SETD3: variants seen among roughly 807,000 people sequenced by gnomAD.
SETD3 encodes the protein SET domain containing 3, actin N3(tau)-histidine methyltransferase.
In SETD3, 19 loss-of-function variants were observed where a neutral mutation model predicts 63.0. That is an observed-to-expected ratio of 0.30 (90% CI 0.21 to 0.44). SETD3 has a LOEUF of 0.44. Ranked by LOEUF, SETD3 falls within the 20% of genes least tolerant of loss-of-function variation. The probability of loss-of-function intolerance (pLI) is 1.00; values close to 1 mark genes in which losing one functional copy is unlikely to be tolerated. For synonymous variants in SETD3, 286 were observed against 264.1 expected (o/e 1.08, Z -0.80); for missense variants, 587 against 728.5 (o/e 0.81, Z 2.24).
In SETD3 at chr14:99,405,343, T is replaced by G. The variant is rs202158741; in HGVS notation, c.953A>C (p.Asn318Thr). The change falls in exon 10 of 13, where the codon AAC becomes ACC. Residue 318 changes from asparagine to threonine, a missense_variant. Physicochemically the swap from Asn to Thr is moderately conservative, Grantham distance 65. Coordinates refer to ENST00000331768, the MANE Select transcript of SETD3 (RefSeq NM_032233.3). ...ACCACTGTGGATCACAAACTCTGCG[T>G]TGGATCGAGTGCCATAAAAAATGTA... ...QIYIFYGTRSNAEFVIHSGFF... is the reference protein window; with the variant it reads ...QIYIFYGTRSTAEFVIHSGFF... 34 of 1,611,128 alleles carry G rather than the reference T, an allele frequency of 2.1e-5. No individual in the cohort carries two copies. The East Asian group carries it at 7.4e-4, about 35-fold the overall frequency.
intron 11 of SETD3, among the ~76,000 whole-genome samples, chr14:99,403,482 C>CTCTCTCTCTCTT (rs1891510312): frequency 8.3e-6 from 1 of 120,458 alleles, no homozygotes; most frequent in Non-Finnish European, 1.7e-5. Context: ...CTCTCTCTCT[C>CTCTCTCTCTCTT]TCTCTCTTTC....
upstream of SETD3, among the ~76,000 whole-genome samples, chr14:99,481,807 C>T (rs1011833966): frequency 6.6e-6 from 1 of 152,258 alleles, no homozygotes; most frequent in African/African-American, 2.4e-5. Context: ...CGCGCACAGT[C>T]TCACAGCCAC....
At chr14:99,419,681 A>G (rs1369558565) in intron 6 of SETD3, among the ~76,000 whole-genome samples, 4 of 150,954 alleles carry the variant, frequency 2.6e-5, no homozygotes, top group South Asian at 2.1e-4. Context: ...AGGCTGAGGC[A>G]GGAGAATGGC....
rs1891315656 is a variant in SETD3, at chr14:99,400,208, G to A, written c.1229C>T (p.Thr410Ile). The A allele has an allele frequency of 1.9e-6, 3 of 1,614,036 alleles. No homozygotes were observed. The South Asian group carries it at 3.3e-5, about 18-fold the overall frequency. The change falls in exon 12 of 13, where the codon ACC becomes ATC. Residue 410 changes from threonine to isoleucine, a missense_variant. Thr to Ile is a moderately conservative substitution (Grantham distance 89). Coordinates refer to ENST00000331768, the MANE Select transcript of SETD3 (RefSeq NM_032233.3). ...AACAGGAAATTCCGAGTTCCCCAAGGTGAAGATTCTATCAATAGCGCTGTC... is the reference window on the plus strand; with the variant it reads ...AACAGGAAATTCCGAGTTCCCCAAGATGAAGATTCTATCAATAGCGCTGTC... ...LGDSAIDRIF[T>I]LGNSEFPVSW...
intron 8 of SETD3, among the ~76,000 whole-genome samples, chr14:99,410,421 A>G (rs1170461939): frequency 6.6e-6 from 1 of 152,130 alleles, no homozygotes. Context: ...TTGTGCCTGA[A>G]TTTCCAGCTG....
chr14:99,451,136 T>C (rs1894436600), intron 6 of SETD3, among the ~76,000 whole-genome samples: 1 of 152,222 alleles, frequency 6.6e-6, no homozygotes, highest in Non-Finnish European at 1.5e-5. Context: ...TACTTCAAAG[T>C]AGGGTTTAAG....
Position 99,399,089 on chromosome 14 carries a change from C to G in SETD3, c.1375G>C (p.Val459Leu). 1 of 1,614,042 alleles carries G rather than the reference C, an allele frequency of 6.2e-7. No homozygotes were observed. Residue 459 changes from valine (V) to leucine (L), a missense_variant, in exon 13 of 13, where the codon GTT (valine) becomes CTT (leucine). Coordinates refer to ENST00000331768, the MANE Select transcript of SETD3 (RefSeq NM_032233.3). Reference protein sequence around the residue: ...KSVLKNHDLSVRAKMAIKLRL... With the variant: ...KSVLKNHDLSLRAKMAIKLRL... ...AATTTGATGGCCATTTTTGCACGAA[C>G]AGAAAGATCGTGGTTTTTCAAGACG...
chr14:99,465,045 A>T (rs1221345970), intron 2 of SETD3, among the ~76,000 whole-genome samples: 1 of 152,182 alleles, frequency 6.6e-6, no homozygotes, highest in Non-Finnish European at 1.5e-5. Flanking sequence ...ATGAAGTGGG[A>T]AGATCACTTG....
At chr14:99,400,618 C>G (rs1267816438) in intron 11 of SETD3, among the ~76,000 whole-genome samples, 1 of 152,106 alleles carries the variant, frequency 6.6e-6, no homozygotes, top group Non-Finnish European at 1.5e-5. Context: ...TTTTGCTAGC[C>G]ATGAGCTCCA....
At position 99,458,243 on chromosome 14, in the gene SETD3, G is replaced by A. The variant is rs776318047; in HGVS notation, c.675+36C>T. The A allele has an allele frequency of 5.7e-6, 9 of 1,589,050 alleles. No homozygotes were observed. In the South Asian group the frequency reaches 5.7e-5, roughly 10 times the overall value. The stretch of plus-strand genomic sequence containing the variant: ...TCAATTCCTCTTTCCTCCCCACTCT[G>A]TGAAATATATACTTAAATTGCAAAC... On this transcript the variant is annotated intron_variant, in intron 6 of 12. Transcript: ENST00000331768.
intron 11 of SETD3, among the ~76,000 whole-genome samples, chr14:99,402,994 G>A (rs898424941): frequency 6.6e-6 from 1 of 152,034 alleles, no homozygotes; most frequent in Non-Finnish European, 1.5e-5. Context: ...CCCTTAACTC[G>A]TGTTCATTAC....
At chr14:99,433,171 G>A (rs563937327) in intron 6 of SETD3, among the ~76,000 whole-genome samples, 1 of 151,728 alleles carries the variant, frequency 6.6e-6, no homozygotes. Context: ...CTGTTTGGGG[G>A]GATTAAAAAT....
chr14:99,399,320 T>A (rs796872463), intron 12 of SETD3, among the ~76,000 whole-genome samples, 195 bp from the exon 13 acceptor site: 6 of 152,296 alleles, frequency 3.9e-5, no homozygotes, highest in African/African-American at 1.4e-4. Flanking sequence ...TGCCTTTCAT[T>A]GTATGTAAAT....
At chr14:99,406,049 C>T (rs1448081059) in intron 9 of SETD3, among the ~76,000 whole-genome samples, 1 of 152,098 alleles carries the variant, frequency 6.6e-6, no homozygotes, top group Non-Finnish European at 1.5e-5. Context: ...GCTTACCCCT[C>T]CTCCCACCCA....
At chr14:99,406,472 G>A in intron 9 of SETD3, 44 bp downstream of exon 9, 1 of 1,552,432 alleles carries the variant, frequency 6.4e-7, no homozygotes, top group Admixed American at 1.7e-5. Context: ...TAACGTTAGT[G>A]CCCACTGGCT....
intron 6 of SETD3, among the ~76,000 whole-genome samples, chr14:99,429,841 C>T (rs1003088208): frequency 1.3e-5 from 2 of 152,200 alleles, no homozygotes; most frequent in African/African-American, 4.8e-5. Context: ...TTTAAGGCCT[C>T]CATAAGGCCT....
chr14:99,467,336 C>T (rs1038478614), intron 1 of SETD3, among the ~76,000 whole-genome samples: 2 of 152,070 alleles, frequency 1.3e-5, no homozygotes, highest in African/African-American at 2.4e-5. Context: ...GAGGGGAGGG[C>T]AGGATGACAG....
intron 6 of SETD3, chr14:99,444,420 G>A (rs1262423530): frequency 6.6e-6 from 1 of 152,184 alleles, no homozygotes; most frequent in Non-Finnish European, 1.5e-5. Context: ...TTTGTCCTAT[G>A]GCACTGTAGG....
At chr14:99,476,037 C>G (rs575096348) in intron 1 of SETD3, among the ~76,000 whole-genome samples, 23 of 152,298 alleles carry the variant, frequency 1.5e-4, no homozygotes, top group African/African-American at 5.5e-4. Context: ...CCAATATGAT[C>G]GTCCCCATCA....
Sources: allele counts gnomAD v4.1 joint callset (sites outside exome capture counted in the v4.1 genomes callset), GRCh38; gene constraint gnomAD v4.1.1; transcripts MANE v1.5; gene names NCBI Gene and HGNC (gene_info 2026-07-23, HGNC 2026-07-21).